Variants in MUC3A observed in about 807,000 individuals in gnomAD.
The protein encoded by MUC3A is mucin 3A, cell surface associated.
A neutral mutation model predicts 109.0 loss-of-function variants in MUC3A; 109 were observed. The observed-to-expected ratio is 1.00, with a 90% CI of 0.86 to 1.17. The LOEUF (loss-of-function observed/expected upper bound fraction) is 1.17. Ranked by LOEUF, MUC3A falls within the 50% of genes most tolerant of loss-of-function variation. The pLI is 0.00. For missense variants in MUC3A, 3,537 were observed against 2,469.4 expected, an observed-to-expected ratio of 1.43 and a Z score of -9.16; for synonymous variants, 1,398 against 981.4, an observed-to-expected ratio of 1.42 and a Z score of -7.93.
Position 100,959,167 on chromosome 7 carries a change from T to A in MUC3A, c.7388T>A (p.Phe2463Tyr). ...STSTTAITSH[F>Y]TTSETAVTPT... The stretch of plus-strand genomic sequence containing the variant: ...TCCACAACTGCCATCACCTCACATT[T>A]TACTACCTCAGAGACTGCGGTGACT... The change falls in exon 2 of 12, where the codon TTT (phenylalanine) becomes TAT (tyrosine). Residue 2463 changes from phenylalanine to tyrosine, a missense_variant. By Grantham distance (22) the Phe-to-Tyr change is conservative. Transcript: ENST00000379458. 6.3e-7 allele frequency: 1 copy of A among 1,593,922 alleles called. No homozygotes were observed. Among genetic ancestry groups the A allele is most frequent in the Non-Finnish European group, 8.5e-7 (1 of 1,178,244 alleles).
chr7:100,955,072 C>T lies in MUC3A; in HGVS notation c.3293C>T (p.Ser1098Phe), dbSNP rs1286060919. Residue 1098 changes from serine to phenylalanine, a missense_variant, in exon 2 of 12, where the codon TCC (serine) becomes TTC (phenylalanine). Coordinates refer to ENST00000379458, the MANE Select transcript of MUC3A (RefSeq NM_005960.2). Reference sequence around the variant, plus strand: ...TCTCCCACCAGCATTGTCTCAGACTCCACGACTGAAATCACCTATTCCACA... The same window carrying T: ...TCTCCCACCAGCATTGTCTCAGACTTCACGACTGAAATCACCTATTCCACA... The part of the protein sequence containing the change: ...PTSPTSIVSD[S>F]TTEITYSTSI... 1 of 597,076 alleles carries T rather than the reference C, an allele frequency of 1.7e-6. No individual in the cohort carries two copies. The highest frequency in any genetic ancestry group is 3.0e-5 in the Admixed American group (1 of 33,086). 37.0% of individuals were successfully genotyped at this position (597,076 alleles called of 1,614,324 possible).
intron 3 of MUC3A, among the ~76,000 whole-genome samples, chr7:100,962,786 T>C (rs1697412947): frequency 7.7e-6 from 1 of 129,650 alleles, no homozygotes; most frequent in Admixed American, 7.4e-5. Flanking sequence ...TCTTTCTTTC[T>C]CTTTCTTTCT....
Position 100,959,986 on chromosome 7 carries a change from C to A in MUC3A, c.8207C>A (p.Ser2736Tyr). Residue 2736 changes from serine (S) to tyrosine (Y), a missense_variant, in exon 2 of 12, where the codon TCT (serine) becomes TAT (tyrosine). Transcript: ENST00000379458. Reference sequence around the variant, plus strand: ...ACAGGCTTTCCTAGTCTCTCTTCCTCTGCAACTACCAGCACTTCTTCAACC... The same window carrying A: ...ACAGGCTTTCCTAGTCTCTCTTCCTATGCAACTACCAGCACTTCTTCAACC... The part of the protein sequence containing the change: ...SITGFPSLSS[S>Y]ATTSTSSTSS... 6.6e-7 allele frequency: 1 copy of A among 1,507,758 alleles called. No individual in the cohort carries two copies. Among genetic ancestry groups the A allele is most frequent in the Non-Finnish European group, 8.8e-7 (1 of 1,139,452 alleles). The allele number at this position is 1,507,758 out of a possible 1,614,324, so 93.4% of individuals were successfully genotyped here.
rs756144510 is a variant in MUC3A at position 100,965,676 on chromosome 7, T to C, written c.9449-28T>C. 6 of 1,587,486 alleles carry C rather than the reference T, an allele frequency of 3.8e-6. No individual in the cohort carries two copies. In the South Asian group the frequency reaches 5.6e-5, roughly 15 times the overall value. ...GAATAGAATGGATGAGGTCCTTGTC[T>C]CTGTGCATCCCCCTCCCCAACCCCC... On this transcript the variant is annotated intron_variant, in intron 7 of 11. Coordinates refer to ENST00000379458, the MANE Select transcript of MUC3A (RefSeq NM_005960.2).
rs1381488301 is a variant in MUC3A at position 100,956,111 on chromosome 7, G to A, written c.4332G>A (p.Thr1444=). 6 of 108,544 alleles carry A rather than the reference G, an allele frequency of 5.5e-5. No homozygotes were observed. The highest frequency in any genetic ancestry group is 5.2e-4 in the Admixed American group (3 of 5,720). The allele number at this position is 108,544 out of a possible 1,614,324, so 6.7% of individuals were successfully genotyped here. A position where few individuals can be genotyped will look rare whatever the true frequency, so the allele number is the denominator to read the frequency against. The change falls in exon 2 of 12, where the codon ACG becomes ACA. Residue 1444 remains threonine, a synonymous_variant. Transcript: ENST00000379458. ...CCACAAACACCAATCCTGTATCCAC[G>A]TTGGTGACTACACTCCCCATTACCA... ...SHTTNTNPVS[T]LVTTLPITIT...
rs1209005805 is a variant in MUC3A at position 100,951,382 on chromosome 7, GC to G, written c.62-458del. On this transcript the variant is annotated intron_variant, in intron 1 of 11. Coordinates refer to ENST00000379458, the MANE Select transcript of MUC3A (RefSeq NM_005960.2). ...GGGTTCTCTCTTTTTCTCTTTGAAA[GC>G]GGAGTCAGCCCAGACAGCAGCAGGG... is the stretch of plus-strand genomic sequence containing the variant. Among the ~76,000 whole-genome samples, 51 of 141,170 alleles carry G rather than the reference GC, an allele frequency of 3.6e-4. No individual in the cohort carries two copies. In the East Asian group the frequency reaches 7.8e-3, roughly 22 times the overall value. 92.6% of individuals were successfully genotyped at this position (141,170 alleles called of 152,430 possible).
intron 3 of MUC3A, 170 bp downstream of exon 3, chr7:100,961,107 TC>T: frequency 1.0e-6 from 1 of 977,722 alleles, no homozygotes; most frequent in Non-Finnish European, 1.2e-6. Flanking sequence ...CTCCTCTCCG[TC>T]CTCACCCTTA....
chr7:100,965,503 C>T, intron 7 of MUC3A, 156 bp downstream of exon 7: 1 of 1,430,362 alleles, frequency 7.0e-7, no homozygotes. Context: ...TAGTGGCTTC[C>T]ACCTGAGGAC....
Position 100,959,959 on chromosome 7 carries a change from T to A in MUC3A, c.8180T>A (p.Ile2727Asn). The A allele has an allele frequency of 6.6e-7, 1 of 1,510,004 alleles. No homozygotes were observed. The highest frequency in any genetic ancestry group is 8.8e-7 in the Non-Finnish European group (1 of 1,140,450). The allele number at this position is 1,510,004 out of a possible 1,614,324, so 93.5% of individuals were successfully genotyped here. ...ACAGAAAATGTGGGCTCCGCTTCTA[T>A]CACAGGCTTTCCTAGTCTCTCTTCC... ...FSTENVGSAS[I>N]TGFPSLSSSA... Residue 2727 changes from isoleucine (I) to asparagine (N), a missense_variant, in exon 2 of 12, where the codon ATC becomes AAC. Coordinates refer to ENST00000379458, the MANE Select transcript of MUC3A (RefSeq NM_005960.2).
At position 100,955,779 on chromosome 7, in the gene MUC3A, C is replaced by T; in HGVS notation, c.4000C>T (p.Pro1334Ser). 4 of 106,086 alleles carry T rather than the reference C, an allele frequency of 3.8e-5. No individual in the cohort carries two copies. The highest frequency in any genetic ancestry group is 6.4e-5 in the Non-Finnish European group (4 of 62,540). 6.6% of individuals were successfully genotyped at this position (106,086 alleles called of 1,614,324 possible). The change falls in exon 2 of 12, where the codon CCA becomes TCA. Residue 1334 changes from proline (P) to serine (S), a missense_variant. Pro to Ser is a moderately conservative substitution (Grantham distance 74, BLOSUM62 -1). Coordinates refer to ENST00000379458, the MANE Select transcript of MUC3A (RefSeq NM_005960.2). ...PTTTTSFTTS[P>S]TMEPPSTTVA... ...TACCACCACCTCATTCACCACATCCCCAACGATGGAACCACCTTCAACCAC... is the reference window on the plus strand; with the variant it reads ...TACCACCACCTCATTCACCACATCCTCAACGATGGAACCACCTTCAACCAC...
Position 100,960,372 on chromosome 7 carries a change from C to T in MUC3A, c.8593C>T (p.Arg2865Ter), listed in dbSNP as rs567421069. The T allele has an allele frequency of 1.2e-5, 19 of 1,598,534 alleles. No individual in the cohort carries two copies. The highest frequency in any genetic ancestry group is 1.7e-4 in the Middle Eastern group (1 of 6,060). ...CACAAACACAGTTTTCACAAGTACT[C>T]GACTGCCCACCAGTGAGACCTGGCT... ...VPTNTVFTSTRLPTSETWLSN... is the reference protein window; with the variant it reads ...VPTNTVFTST Residue 2865 changes from arginine to a stop codon, truncating the protein, a stop_gained, in exon 2 of 12, where the codon CGA becomes TGA. Coordinates refer to ENST00000379458, the MANE Select transcript of MUC3A (RefSeq NM_005960.2). LOFTEE classifies it high-confidence loss of function.
chr7:100,959,882 A>T lies in MUC3A; in HGVS notation c.8103A>T (p.Pro2701=). 1 of 1,550,562 alleles carries T rather than the reference A, an allele frequency of 6.4e-7. No individual in the cohort carries two copies. Among genetic ancestry groups the T allele is most frequent in the Non-Finnish European group, 8.6e-7 (1 of 1,156,992 alleles). The part of the protein sequence containing the change: ...SSSPSSASIT[P]VFSTTIHSVP... ...CTCCATCTTCTGCCAGCATAACTCC[A>T]GTGTTTTCCACTACCATTCATTCTG... Residue 2701 remains proline (P), a synonymous_variant, in exon 2 of 12, where the codon CCA becomes CCT. Transcript: ENST00000379458.
rs1253754403 is a variant in MUC3A, at chr7:100,959,549, C to A, written c.7770C>A (p.Thr2590=). The A allele has an allele frequency of 6.3e-7, 1 of 1,590,844 alleles. No homozygotes were observed. ...TPPVLTSATG[T]QTSPAPTTVT... is the part of the protein sequence containing the mutation. ...CTGTACTGACGTCAGCCACTGGGACCCAAACATCTCCTGCACCTACTACTG... is the reference window on the plus strand; with the variant it reads ...CTGTACTGACGTCAGCCACTGGGACACAAACATCTCCTGCACCTACTACTG... Residue 2590 remains threonine (T), a synonymous_variant, in exon 2 of 12, where the codon ACC becomes ACA. Coordinates refer to ENST00000379458, the MANE Select transcript of MUC3A (RefSeq NM_005960.2).
intron 4 of MUC3A, 37 bp downstream of exon 4, chr7:100,963,303 T>TTTTTTTTTTTTTTTTAA (rs1554459579): frequency 7.2e-7 from 1 of 1,390,366 alleles, no homozygotes; most frequent in Non-Finnish European, 9.8e-7. Context: ...TTTTTTTTTT[T>TTTTTTTTTTTTTTTTAA]GAGGTGTAGT....
At position 100,960,086 on chromosome 7, in the gene MUC3A, T is replaced by C. The variant is rs1792267376; in HGVS notation, c.8307T>C (p.Cys2769=). ...SYISLPSTTP[C]PGTITITIVP... ...TTTCCCTTCCCTCCACCACACCCTG[T>C]CCAGGAACTATAACAATTACCATAG... Residue 2769 remains cysteine, a synonymous_variant, in exon 2 of 12, where the codon TGT becomes TGC. Transcript: ENST00000379458. 6.6e-7 allele frequency: 1 copy of C among 1,522,030 alleles called. No homozygotes were observed. The highest frequency in any genetic ancestry group is 8.7e-7 in the Non-Finnish European group (1 of 1,144,192). 94.3% of individuals were successfully genotyped at this position (1,522,030 alleles called of 1,614,324 possible). A position where few individuals can be genotyped will look rare whatever the true frequency, so the allele number is the denominator to read the frequency against.
chr7:100,951,887 A>T lies in MUC3A; in HGVS notation c.108A>T (p.Arg36Ser). The change falls in exon 2 of 12, where the codon AGA becomes AGT. Residue 36 changes from arginine (R) to serine (S), a missense_variant. By Grantham distance (110) the Arg-to-Ser change is moderately radical. Coordinates refer to ENST00000379458, the MANE Select transcript of MUC3A (RefSeq NM_005960.2). ...ATSISQVPFP[R>S]AEAASAVLSN... The stretch of plus-strand genomic sequence containing the variant: ...CCATCTCTCAAGTGCCTTTCCCCAG[A>T]GCAGAAGCAGCCAGCGCTGTGCTCA... 6.3e-7 allele frequency: 1 copy of T among 1,591,270 alleles called. No individual in the cohort carries two copies. Among genetic ancestry groups the T allele is most frequent in the Non-Finnish European group, 8.5e-7 (1 of 1,173,432 alleles).
At position 100,965,699 on chromosome 7, in the gene MUC3A, C is replaced by G. The variant is rs767296210; in HGVS notation, c.9449-5C>G. Reference sequence around the variant, plus strand: ...TCTCTGTGCATCCCCCTCCCCAACCCCCAGCCATCTGCCGCCGCGCCGCTC... The same window carrying G: ...TCTCTGTGCATCCCCCTCCCCAACCGCCAGCCATCTGCCGCCGCGCCGCTC... On this transcript the variant is annotated splice_region_variant and splice_polypyrimidine_tract_variant and intron_variant, in intron 7 of 11. Coordinates refer to ENST00000379458, the MANE Select transcript of MUC3A (RefSeq NM_005960.2). The G allele has an allele frequency of 2.3e-5, 37 of 1,595,830 alleles. No individual in the cohort carries two copies. The highest frequency in any genetic ancestry group is 2.9e-5 in the Non-Finnish European group (34 of 1,178,260).
At position 100,960,800 on chromosome 7, in the gene MUC3A, T is replaced by C; in HGVS notation, c.8915T>C (p.Leu2972Pro). ...TGGGAACAGGGCCAGTGTGCTTGCC[T>C]TCCGGGGTTTTCTGGGGACCGCTGT... is the stretch of plus-strand genomic sequence containing the variant. ...GTWEQGQCAC[L>P]PGFSGDRCQL... The change falls in exon 3 of 12, where the codon CTT becomes CCT. Residue 2972 changes from leucine to proline, a missense_variant. Coordinates refer to ENST00000379458, the MANE Select transcript of MUC3A (RefSeq NM_005960.2). 11 of 1,598,522 alleles carry C rather than the reference T, an allele frequency of 6.9e-6. No homozygotes were observed. Among genetic ancestry groups the C allele is most frequent in the Non-Finnish European group, 9.3e-6 (11 of 1,179,810 alleles).
chr7:100,966,342 C>A (rs752966996), intron 8 of MUC3A, 44 bp from the exon 9 acceptor site: 2 of 1,284,304 alleles, frequency 1.6e-6, no homozygotes, highest in East Asian at 3.0e-5. Context: ...GGGTGGACCC[C>A]GAGCCCGGAG....
Sources: allele counts gnomAD v4.1 joint callset (sites outside exome capture counted in the v4.1 genomes callset), GRCh38; gene constraint gnomAD v4.1.1; transcripts MANE v1.5; gene names NCBI Gene and HGNC (gene_info 2026-07-23, HGNC 2026-07-21).